Variants in SETBP1 observed in about 807,000 individuals in gnomAD.
The protein encoded by SETBP1 is SET binding protein 1, also known as SET-binding protein.
A neutral mutation model predicts 101.0 loss-of-function variants in SETBP1; 9 were observed. The observed-to-expected ratio is 0.09, with a 90% confidence interval of 0.05 to 0.16. The LOEUF (loss-of-function observed/expected upper bound fraction) is 0.16. Ranked by LOEUF, SETBP1 falls within the 10% of genes least tolerant of loss-of-function variation. The pLI, the probability that SETBP1 is intolerant of heterozygous loss-of-function variation, is 1.00. For synonymous variants in SETBP1, 818 were observed against 788.5 expected, an observed-to-expected ratio of 1.04 and a Z score of -0.63; for missense variants, 1,858 against 2,033.8, an observed-to-expected ratio of 0.91 and a Z score of 1.66.
intron 4 of SETBP1, among the ~76,000 whole-genome samples, chr18:44,971,874 A>C (rs1283201844): frequency 3.3e-5 from 5 of 152,028 alleles, no homozygotes; most frequent in Non-Finnish European, 5.9e-5. Context: ...GAAGCTCTTT[A>C]GTTTAATTAG....
intron 3 of SETBP1, among the ~76,000 whole-genome samples, chr18:44,945,063 A>G (rs934035556): frequency 5.9e-5 from 9 of 152,148 alleles, no homozygotes; most frequent in African/African-American, 1.9e-4. Context: ...GGTTTGTTAC[A>G]TATGTATACA....
chr18:44,919,587 A>G (rs1016818879), intron 3 of SETBP1, among the ~76,000 whole-genome samples: 8 of 152,076 alleles, frequency 5.3e-5, no homozygotes, highest in Non-Finnish European at 1.0e-4. Flanking sequence ...TGACCTCGTG[A>G]TCCACCTGCC....
intron 3 of SETBP1, among the ~76,000 whole-genome samples, chr18:44,911,826 G>C (rs958678659): frequency 1.2e-4 from 18 of 152,076 alleles, no homozygotes; most frequent in African/African-American, 4.3e-4. Flanking sequence ...CCAGGGACAG[G>C]GACAAACATT....
At chr18:44,687,156 G>C (rs1001945986) in intron 1 of SETBP1, among the ~76,000 whole-genome samples, 3 of 152,198 alleles carry the variant, frequency 2.0e-5, no homozygotes, top group Admixed American at 2.0e-4. Context: ...GGTCAAGAAG[G>C]CTGAGGCAGA....
intron 2 of SETBP1, among the ~76,000 whole-genome samples, chr18:44,784,591 G>T (rs1568142690): frequency 5.3e-5 from 8 of 152,166 alleles, no homozygotes. Flanking sequence ...CATCTGAATT[G>T]TGAATATTAT....
At chr18:44,879,900 T>C (rs1049887659) in intron 3 of SETBP1, among the ~76,000 whole-genome samples, 3 of 152,216 alleles carry the variant, frequency 2.0e-5, no homozygotes, top group African/African-American at 7.2e-5. Flanking sequence ...GGAAGAGGAA[T>C]AGCTATAAGG....
At chr18:44,922,468 G>C (rs1325980259) in intron 3 of SETBP1, among the ~76,000 whole-genome samples, 2 of 152,180 alleles carry the variant, frequency 1.3e-5, no homozygotes, top group Non-Finnish European at 2.9e-5. Flanking sequence ...TGCTGCATCC[G>C]TTGTTACCAT....
chr18:44,760,206 A>G (rs1444290218), intron 2 of SETBP1, among the ~76,000 whole-genome samples: 1 of 152,118 alleles, frequency 6.6e-6, no homozygotes, highest in Non-Finnish European at 1.5e-5. Context: ...GAATATTTTC[A>G]CCTTTAACTT....
intron 2 of SETBP1, among the ~76,000 whole-genome samples, chr18:44,760,966 A>G (rs903112739): frequency 1.3e-5 from 2 of 152,216 alleles, no homozygotes; most frequent in African/African-American, 4.8e-5. Context: ...TCTGTTGCCC[A>G]TAATGTCTTT....
chr18:44,952,090 A>T lies in SETBP1; in HGVS notation c.2750A>T (p.His917Leu), dbSNP rs1373387690. The T allele has an allele frequency of 6.2e-7, 1 of 1,614,116 alleles. No homozygotes were observed. The highest frequency in any genetic ancestry group is 8.5e-7 in the Non-Finnish European group (1 of 1,180,024). The change falls in exon 4 of 6, where the codon CAC becomes CTC. Residue 917 changes from histidine (H) to leucine (L), a missense_variant. By Grantham distance (99) the His-to-Leu change is moderately conservative. Coordinates refer to ENST00000649279, the MANE Select transcript of SETBP1 (RefSeq NM_015559.3). ...ACCAGCACAAAGAACCGGCATGGCCACCGGCAAAAGCATCTCATTGTGGAC... is the reference window on the plus strand; with the variant it reads ...ACCAGCACAAAGAACCGGCATGGCCTCCGGCAAAAGCATCTCATTGTGGAC... ...SDTSTKNRHG[H>L]RQKHLIVDNF... is the part of the protein sequence containing the mutation.
intron 4 of SETBP1, among the ~76,000 whole-genome samples, chr18:44,964,210 T>G (rs1486630448): frequency 6.6e-6 from 1 of 152,170 alleles, no homozygotes; most frequent in Admixed American, 6.5e-5. Context: ...GCTGTTATAT[T>G]TTTACTTTAT....
intron 4 of SETBP1, among the ~76,000 whole-genome samples, chr18:45,025,103 T>C (rs2073139557): frequency 6.6e-6 from 1 of 152,194 alleles, no homozygotes; most frequent in African/African-American, 2.4e-5. Flanking sequence ...CCAAAGTCTA[T>C]TGAGTACAGA....
chr18:44,955,188 T>A (rs1251584281), intron 4 of SETBP1, among the ~76,000 whole-genome samples: 1 of 152,216 alleles, frequency 6.6e-6, no homozygotes, highest in Non-Finnish European at 1.5e-5. Flanking sequence ...GGGGTTCACG[T>A]CCAGTCACTG....
At chr18:44,875,300 C>G (rs547539088) in intron 3 of SETBP1, among the ~76,000 whole-genome samples, 45 of 152,136 alleles carry the variant, frequency 3.0e-4, no homozygotes, top group Non-Finnish European at 2.6e-4. Flanking sequence ...GCGGGTGGAT[C>G]ATGGGGTCAA....
intron 2 of SETBP1, among the ~76,000 whole-genome samples, chr18:44,748,845 C>T (rs2070321487): frequency 6.6e-6 from 1 of 152,132 alleles, no homozygotes; most frequent in Non-Finnish European, 1.5e-5. Context: ...GACATATTTG[C>T]ACATTCTCTG....
intron 3 of SETBP1, chr18:44,877,132 C>CA: frequency 1.0e-6 from 1 of 995,428 alleles, no homozygotes; most frequent in Non-Finnish European, 1.2e-6. Context: ...CCATGCTATA[C>CA]AGAGTATGGG....
intron 2 of SETBP1, among the ~76,000 whole-genome samples, chr18:44,835,844 T>C (rs552508071): frequency 1.3e-5 from 2 of 152,222 alleles, no homozygotes; most frequent in Non-Finnish European, 2.9e-5. Context: ...CTAGAAGCAT[T>C]TGCATTTTTA....
intron 4 of SETBP1, among the ~76,000 whole-genome samples, chr18:44,998,319 C>A (rs1246717772): frequency 6.6e-6 from 1 of 152,260 alleles, no homozygotes; most frequent in African/African-American, 2.4e-5. Flanking sequence ...TATCTCTCCT[C>A]ACACCAGGCA....
At chr18:45,000,873 C>A (rs528856817) in intron 4 of SETBP1, among the ~76,000 whole-genome samples, 37 of 151,132 alleles carry the variant, frequency 2.4e-4, no homozygotes, top group Non-Finnish European at 3.8e-4. Flanking sequence ...ACATTTTTGT[C>A]GCCTTAAAAG....
Sources: gnomAD v4.1 joint callset for allele counts (sites outside exome capture counted in the v4.1 genomes callset) on GRCh38, gnomAD v4.1.1 for gene constraint, MANE v1.5 for transcripts, NCBI Gene and HGNC (gene_info 2026-07-23, HGNC 2026-07-21) for gene names.